MAGI1: variants seen among roughly 807,000 people sequenced by gnomAD.
MAGI1 encodes the protein membrane-associated guanylate kinase, WW and PDZ domain-containing protein 1.
MAGI1 carries 58 observed loss-of-function variants against 139.9 expected under a neutral mutation model. That is an observed-to-expected ratio of 0.41 (90% CI 0.34 to 0.52). The LOEUF is 0.52. Ranked by LOEUF, MAGI1 falls within the 20% of genes least tolerant of loss-of-function variation. The pLI is 0.12. For synonymous variants in MAGI1, 812 were observed against 737.9 expected (o/e 1.10, Z -1.63); for missense variants, 1,874 against 1,901.6 (o/e 0.99, Z 0.27).
intron 12 of MAGI1, among the ~76,000 whole-genome samples, chr3:65,415,328 C>G (rs896422043): frequency 9.9e-5 from 15 of 152,220 alleles, no homozygotes; most frequent in Non-Finnish European, 1.9e-4. Flanking sequence ...TTCAATATGA[C>G]AGAGCAAGGG....
intron 1 of MAGI1, among the ~76,000 whole-genome samples, chr3:65,679,065 T>C (rs2087392221): frequency 6.6e-6 from 1 of 152,172 alleles, no homozygotes; most frequent in Non-Finnish European, 1.5e-5. Context: ...TCTCGTCAGC[T>C]AAGCATATCT....
intron 5 of MAGI1, among the ~76,000 whole-genome samples, chr3:65,456,961 C>A (rs796266276): frequency 5.3e-5 from 8 of 152,210 alleles, no homozygotes; most frequent in African/African-American, 1.7e-4. Context: ...TAAATTAGTA[C>A]ATTTGATATC....
chr3:65,652,188 G>C (rs995150265), intron 1 of MAGI1, among the ~76,000 whole-genome samples: 2 of 152,098 alleles, frequency 1.3e-5, no homozygotes, highest in Non-Finnish European at 2.9e-5. Flanking sequence ...TTATCAAAGG[G>C]GGTAGATAAA....
Position 65,467,732 on chromosome 3 carries a change from G to T in MAGI1, c.959+2551C>A, listed in dbSNP as rs567806443. Among the ~76,000 whole-genome samples the T allele has an allele frequency of 3.6e-4, 55 of 152,194 alleles. 2 individuals are homozygous for T. The South Asian group carries it at 0.011, about 31-fold the overall frequency. ...AAGTCAGTCTTGAACAAAATTACTG[G>T]TACATTCTTTTCTAAGAATCTGAGT... On this transcript the variant is annotated intron_variant, in intron 5 of 22. Coordinates refer to ENST00000402939, the MANE Select transcript of MAGI1 (RefSeq NM_001033057.2).
At chr3:65,852,819 C>T (rs62245689) in intron 1 of MAGI1, among the ~76,000 whole-genome samples, 83,155 of 151,708 alleles carry the variant, frequency 0.55, 23,130 homozygotes, top group Admixed American at 0.67. Context: ...AAATTTTAAG[C>T]AATCGGCAAA....
At chr3:65,910,854 A>ATTTTTTTTTTTTTTTT (rs1560003976) in intron 1 of MAGI1, among the ~76,000 whole-genome samples, 2 of 11,904 alleles carry the variant, frequency 1.7e-4, no homozygotes, top group Non-Finnish European at 1.4e-4. Flanking sequence ...GACATGGTGG[A>ATTTTTTTTTTTTTTTT]CTTTTTTTTT....
intron 1 of MAGI1, among the ~76,000 whole-genome samples, chr3:65,964,528 C>CG (rs1469206090): frequency 6.8e-6 from 1 of 146,740 alleles, no homozygotes; most frequent in Non-Finnish European, 1.5e-5. Context: ...GGGGGTAGTG[C>CG]GGGGGCGGGG....
chr3:65,915,749 G>A (rs1054931044), intron 1 of MAGI1, among the ~76,000 whole-genome samples: 1 of 152,010 alleles, frequency 6.6e-6, no homozygotes, highest in African/African-American at 2.4e-5. Context: ...TTGGTAAAAT[G>A]ATGACTATCA....
At chr3:65,796,385 G>C (rs771214938) in intron 1 of MAGI1, among the ~76,000 whole-genome samples, 2 of 152,096 alleles carry the variant, frequency 1.3e-5, no homozygotes, top group Admixed American at 1.3e-4. Flanking sequence ...CCTTCCCAGC[G>C]ACATCCAGAC....
At chr3:65,852,494 T>C (rs577026491) in intron 1 of MAGI1, among the ~76,000 whole-genome samples, 1 of 151,252 alleles carries the variant, frequency 6.6e-6, no homozygotes, top group East Asian at 2.0e-4. Context: ...AAGACACACT[T>C]GACACCAATT....
chr3:65,572,987 T>G (rs1365129377), intron 2 of MAGI1, among the ~76,000 whole-genome samples: 1 of 152,154 alleles, frequency 6.6e-6, no homozygotes, highest in South Asian at 2.1e-4. Flanking sequence ...TAATTTAGAC[T>G]TGCACGTATT....
chr3:65,890,636 T>C (rs1421568177), intron 1 of MAGI1, among the ~76,000 whole-genome samples: 1 of 152,164 alleles, frequency 6.6e-6, no homozygotes, highest in Non-Finnish European at 1.5e-5. Flanking sequence ...AACGAGCAGA[T>C]TCACATAGCC....
At chr3:65,440,158 G>T in intron 8 of MAGI1, 146 bp from the exon 9 acceptor site, 1 of 911,408 alleles carries the variant, frequency 1.1e-6, no homozygotes, top group Non-Finnish European at 1.7e-6. Flanking sequence ...CAGTTAGAAA[G>T]AGGAAATAAA....
intron 10 of MAGI1, among the ~76,000 whole-genome samples, chr3:65,433,244 A>T (rs1947595229): frequency 6.6e-6 from 1 of 152,182 alleles, no homozygotes; most frequent in Admixed American, 6.5e-5. Context: ...GGCTGAAAAG[A>T]GGTGTTTGGT....
chr3:65,937,167 T>A (rs998201411), intron 1 of MAGI1, among the ~76,000 whole-genome samples: 4 of 152,188 alleles, frequency 2.6e-5, no homozygotes, highest in Non-Finnish European at 5.9e-5. Context: ...AGGCCTATGT[T>A]CTGAAATCTG....
intron 1 of MAGI1, among the ~76,000 whole-genome samples, chr3:65,928,292 G>A (rs982187552): frequency 1.3e-5 from 2 of 152,126 alleles, no homozygotes; most frequent in Non-Finnish European, 2.9e-5. Flanking sequence ...AAAGGAAATT[G>A]GCAAACACTA....
chr3:65,482,080 C>A (rs1951327781), intron 3 of MAGI1, among the ~76,000 whole-genome samples: 7 of 152,098 alleles, frequency 4.6e-5, no homozygotes, highest in Admixed American at 4.6e-4. Context: ...TAATGAGTGG[C>A]CCATGAGCAA....
chr3:65,389,341 G>A (rs1252607555), intron 14 of MAGI1, among the ~76,000 whole-genome samples: 1 of 152,142 alleles, frequency 6.6e-6, no homozygotes, highest in African/African-American at 2.4e-5. Context: ...TTAAACGGAT[G>A]TTTTACAATT....
At chr3:65,370,069 G>A (rs1298689008) in intron 18 of MAGI1, among the ~76,000 whole-genome samples, 4 of 152,008 alleles carry the variant, frequency 2.6e-5, no homozygotes, top group Non-Finnish European at 5.9e-5. Flanking sequence ...TTGTCTTCTG[G>A]GGGTTTGCAA....
Sources: allele counts gnomAD v4.1 joint callset (sites outside exome capture counted in the v4.1 genomes callset), GRCh38; gene constraint gnomAD v4.1.1; transcripts MANE v1.5; gene names NCBI Gene and HGNC (gene_info 2026-07-23, HGNC 2026-07-21).